Variants in SLC20A2 observed in about 807,000 individuals in gnomAD.
The protein encoded by SLC20A2 is solute carrier family 20 member 2.
In SLC20A2, 30 loss-of-function variants were observed where a neutral mutation model predicts 61.0. That is an observed-to-expected ratio of 0.49 (90% CI 0.37 to 0.67). The LOEUF (loss-of-function observed/expected upper bound fraction) is 0.67, where lower values mean the gene tolerates loss of function less well. Ranked by LOEUF, SLC20A2 falls within the 30% of genes least tolerant of loss-of-function variation. The pLI is 0.00. For missense variants in SLC20A2, 626 were observed against 866.4 expected, an observed-to-expected ratio of 0.72 and a Z score of 3.48; for synonymous variants, 351 against 353.3, an observed-to-expected ratio of 0.99 and a Z score of 0.07.
chr8:42,525,748 A>G (rs1811893371), intron 1 of SLC20A2, among the ~76,000 whole-genome samples: 1 of 152,182 alleles, frequency 6.6e-6, no homozygotes, highest in South Asian at 2.1e-4. Flanking sequence ...ATTATAGTAG[A>G]GTACATTCTT....
intron 5 of SLC20A2, among the ~76,000 whole-genome samples, chr8:42,456,100 G>A (rs1586089198): frequency 6.6e-6 from 1 of 152,014 alleles, no homozygotes; most frequent in South Asian, 2.1e-4. Flanking sequence ...TATTTTTAGC[G>A]AATGTGCCAA....
At chr8:42,536,138 T>C (rs978367011) in intron 1 of SLC20A2, among the ~76,000 whole-genome samples, 1 of 152,210 alleles carries the variant, frequency 6.6e-6, no homozygotes, top group Admixed American at 6.5e-5. Context: ...AATTACTTCC[T>C]CAGATACTTA....
At chr8:42,540,273 G>A (rs1258752627) in intron 1 of SLC20A2, among the ~76,000 whole-genome samples, 1 of 152,116 alleles carries the variant, frequency 6.6e-6, no homozygotes, top group Non-Finnish European at 1.5e-5. Flanking sequence ...GCCTGAACGA[G>A]AGCAAAACCC....
chr8:42,485,310 C>T (rs1453798563), intron 1 of SLC20A2, among the ~76,000 whole-genome samples: 3 of 152,120 alleles, frequency 2.0e-5, no homozygotes, highest in Non-Finnish European at 4.4e-5. Context: ...AAAAGGGGAG[C>T]TTGTCAAGCT....
At chr8:42,447,345 CA>C (rs566169144) in intron 5 of SLC20A2, among the ~76,000 whole-genome samples, 5,246 of 115,342 alleles carry the variant, frequency 0.045, 113 homozygotes, top group African/African-American at 0.09. Flanking sequence ...GATCCTGCCT[CA>C]AAAAAAAAAA....
At chr8:42,488,344 C>T (rs954211868) in intron 1 of SLC20A2, among the ~76,000 whole-genome samples, 2 of 151,876 alleles carry the variant, frequency 1.3e-5, no homozygotes, top group Non-Finnish European at 2.9e-5. Context: ...CACCACCACA[C>T]CTGGCTAATT....
chr8:42,473,948 A>G (rs1337984763), intron 1 of SLC20A2, among the ~76,000 whole-genome samples: 1 of 152,164 alleles, frequency 6.6e-6, no homozygotes, highest in South Asian at 2.1e-4. Flanking sequence ...AGGTGGGTGA[A>G]TCACTTGAGG....
At chr8:42,518,800 G>C (rs1480950669) in intron 1 of SLC20A2, among the ~76,000 whole-genome samples, 3 of 152,200 alleles carry the variant, frequency 2.0e-5, no homozygotes, top group African/African-American at 7.2e-5. Context: ...CTTCAAAGTA[G>C]ATGAAGCCCA....
chr8:42,535,209 T>C (rs898144928), intron 1 of SLC20A2: 7 of 152,166 alleles, frequency 4.6e-5, no homozygotes, highest in Non-Finnish European at 1.0e-4. Context: ...CTGGAAATGG[T>C]TGCCGCGCCA....
intron 1 of SLC20A2, among the ~76,000 whole-genome samples, chr8:42,516,435 A>T (rs1016126236): frequency 1.3e-5 from 2 of 152,252 alleles, no homozygotes; most frequent in African/African-American, 4.8e-5. Flanking sequence ...TCTGGAGCTC[A>T]GACTTGTCCA....
chr8:42,469,314 C>T (rs1468993694), intron 2 of SLC20A2, among the ~76,000 whole-genome samples: 2 of 151,562 alleles, frequency 1.3e-5, no homozygotes, highest in Non-Finnish European at 2.9e-5. Flanking sequence ...CTTTGAGATT[C>T]ATTTAACCAC....
chr8:42,528,468 A>G (rs1178260268), intron 1 of SLC20A2, among the ~76,000 whole-genome samples: 1 of 151,612 alleles, frequency 6.6e-6, no homozygotes, highest in Non-Finnish European at 1.5e-5. Context: ...TCTCAAAAAA[A>G]AAAAGAAAAG....
chr8:42,500,161 A>G (rs761151910), intron 1 of SLC20A2, among the ~76,000 whole-genome samples: 1 of 152,234 alleles, frequency 6.6e-6, no homozygotes, highest in Non-Finnish European at 1.5e-5. Context: ...TGTTTTATTA[A>G]TAACAATATT....
intron 9 of SLC20A2, 32 bp from the exon 10 acceptor site, chr8:42,428,874 G>A (rs371713896): frequency 1.1e-5 from 17 of 1,533,434 alleles, no homozygotes; most frequent in Non-Finnish European, 1.5e-5. Flanking sequence ...CGTCACAGGT[G>A]CCCTCTGTAT....
chr8:42,434,631 G>C (rs1380708748), intron 8 of SLC20A2, among the ~76,000 whole-genome samples: 3 of 152,216 alleles, frequency 2.0e-5, no homozygotes, highest in African/African-American at 2.4e-5. Flanking sequence ...TAGAGACAGG[G>C]TGGGATAGGC....
At chr8:42,534,132 T>C (rs1450873818) in intron 1 of SLC20A2, among the ~76,000 whole-genome samples, 3 of 151,642 alleles carry the variant, frequency 2.0e-5, no homozygotes, top group Admixed American at 6.6e-5. Flanking sequence ...GCCTGGCCAA[T>C]ATGGTGAAAC....
chr8:42,476,083 T>C (rs1255072320), intron 1 of SLC20A2, among the ~76,000 whole-genome samples: 4 of 117,314 alleles, frequency 3.4e-5, no homozygotes, highest in Admixed American at 1.9e-4. Flanking sequence ...GTTTACTGTG[T>C]CTTTTTTTTT....
chr8:42,510,895 GA>G (rs1810993660), intron 1 of SLC20A2, among the ~76,000 whole-genome samples: 1 of 151,598 alleles, frequency 6.6e-6, no homozygotes, highest in African/African-American at 2.4e-5. Context: ...TTAAAAAAAA[GA>G]AAATATACAT....
At chr8:42,438,313 G>C (rs1005754125) in intron 7 of SLC20A2, among the ~76,000 whole-genome samples, 2 of 152,094 alleles carry the variant, frequency 1.3e-5, no homozygotes, top group African/African-American at 4.8e-5. Flanking sequence ...AGGTGCCTCT[G>C]TTTTGATTTT....
Sources: gnomAD v4.1 joint callset for allele counts (sites outside exome capture counted in the v4.1 genomes callset) on GRCh38, gnomAD v4.1.1 for gene constraint, MANE v1.5 for transcripts, NCBI Gene and HGNC (gene_info 2026-07-23, HGNC 2026-07-21) for gene names.